The following SMAD2 variants were observed in gnomAD, a reference collection of about 807,000 sequenced individuals.
SMAD2 encodes the protein MAD homolog 2.
SMAD2 carries 8 observed loss-of-function variants against 64.4 expected under a neutral mutation model. The observed-to-expected ratio is 0.12, with a 90% CI of 0.07 to 0.22. The LOEUF (loss-of-function observed/expected upper bound fraction) is 0.22, where lower values mean the gene tolerates loss of function less well. Ranked by LOEUF, SMAD2 falls within the 10% of genes least tolerant of loss-of-function variation. The pLI, the probability that SMAD2 is intolerant of heterozygous loss-of-function variation, is 1.00. For synonymous variants in SMAD2, 203 were observed against 195.8 expected (o/e 1.04, Z -0.31); for missense variants, 289 against 561.2 (o/e 0.51, Z 4.90).
Position 47,868,353 on chromosome 18 carries a change from C to T in SMAD2, c.625G>A (p.Gly209Arg), listed in dbSNP as rs2144372953. 1 of 1,612,978 alleles carries T rather than the reference C, an allele frequency of 6.2e-7. No individual in the cohort carries two copies. Among genetic ancestry groups the T allele is most frequent in the Non-Finnish European group, 8.5e-7 (1 of 1,179,352 alleles). ...SIPENTNFPAGIEPQSNYIPE... is the reference protein window; with the variant it reads ...SIPENTNFPARIEPQSNYIPE... ...ATATAATTACTCTGTGGCTCAATTC[C>T]TGCTGGGAAGTTAGTGTTTTCTGGA... Residue 209 changes from glycine (G) to arginine (R), a missense_variant, in exon 5 of 11, where the codon GGA (glycine) becomes AGA (arginine). Gly to Arg is a moderately radical substitution (Grantham distance 125, BLOSUM62 -2). Around this residue, in one of 6 missense-constraint regions of SMAD2, gnomAD observed 119 missense variants for 156.7 expected, o/e 0.76. Transcript: ENST00000262160.
chr18:47,851,905 A>G (rs1352074885), intron 6 of SMAD2, among the ~76,000 whole-genome samples: 1 of 152,204 alleles, frequency 6.6e-6, no homozygotes, highest in Non-Finnish European at 1.5e-5. Context: ...ATTCTTCAAG[A>G]AACTGCCAGG....
rs1388069104 is a variant in SMAD2 at position 47,818,816 on chromosome 18, A to G, written c.*23011T>C. 6.6e-6 allele frequency: 1 copy of G among 152,244 alleles called. No individual in the cohort carries two copies. The highest frequency in any genetic ancestry group is 1.9e-4 in the East Asian group (1 of 5,208). 9.4% of individuals were successfully genotyped at this position (152,244 alleles called of 1,614,324 possible). ...CTATTTACCAAAACTTTTGGTTCACAGCTTTCATAAGATTACCTATTCTGC... is the reference window on the plus strand; with the variant it reads ...CTATTTACCAAAACTTTTGGTTCACGGCTTTCATAAGATTACCTATTCTGC... On this transcript the variant is annotated 3_prime_UTR_variant, in exon 11 of 11. Coordinates refer to ENST00000262160, the MANE Select transcript of SMAD2 (RefSeq NM_005901.6).
chr18:47,930,377 G>C lies in SMAD2; in HGVS notation c.-70C>G, dbSNP rs1006616671. Reference sequence around the variant, plus strand: ...AGGCTTTACCTGCAAGGTGGCGCCAGGTCCCGCCCCGTCAGATCCGGGGGG... The same window carrying C: ...AGGCTTTACCTGCAAGGTGGCGCCACGTCCCGCCCCGTCAGATCCGGGGGG... On this transcript the variant is annotated 5_prime_UTR_variant, in exon 1 of 11. Coordinates refer to ENST00000262160, the MANE Select transcript of SMAD2 (RefSeq NM_005901.6). The C allele has an allele frequency of 6.6e-6, 1 of 152,296 alleles. No individual in the cohort carries two copies. The highest frequency in any genetic ancestry group is 3.4e-3 in the Middle Eastern group (1 of 294). 9.4% of individuals were successfully genotyped at this position (152,296 alleles called of 1,614,324 possible).
chr18:47,856,817 T>C (rs2030727634), intron 6 of SMAD2, among the ~76,000 whole-genome samples: 1 of 152,010 alleles, frequency 6.6e-6, no homozygotes, highest in Non-Finnish European at 1.5e-5. Flanking sequence ...CAATTACATA[T>C]AATGCTTAAG....
intron 1 of SMAD2, among the ~76,000 whole-genome samples, chr18:47,915,011 ATTTAC>A (rs2034280149): frequency 6.6e-6 from 1 of 152,160 alleles, no homozygotes; most frequent in African/African-American, 2.4e-5. Flanking sequence ...ATCTTGTCAA[ATTTAC>A]TTATTTCTCC....
intron 10 of SMAD2, 77 bp from the exon 11 acceptor site, chr18:47,842,027 T>C (rs1914001358): frequency 6.7e-7 from 1 of 1,482,002 alleles, no homozygotes; most frequent in Non-Finnish European, 9.4e-7. Flanking sequence ...TTAGGTACAC[T>C]GCATTAAAAA....
chr18:47,867,722 G>A (rs2031666623), intron 5 of SMAD2, among the ~76,000 whole-genome samples: 2 of 151,102 alleles, frequency 1.3e-5, no homozygotes, highest in Non-Finnish European at 1.5e-5. Context: ...AGTATTACTG[G>A]ATCACATAAT....
chr18:47,863,885 T>C (rs1408273494), intron 6 of SMAD2, among the ~76,000 whole-genome samples: 5 of 152,134 alleles, frequency 3.3e-5, no homozygotes, highest in African/African-American at 1.2e-4. Flanking sequence ...CCATTTAACA[T>C]TCCTACTAGC....
chr18:47,841,772 T>C lies in SMAD2; in HGVS notation c.*55A>G, dbSNP rs1913976183. The C allele has an allele frequency of 6.2e-7, 1 of 1,608,760 alleles. No homozygotes were observed. The highest frequency in any genetic ancestry group is 8.5e-7 in the Non-Finnish European group (1 of 1,175,580). On this transcript the variant is annotated 3_prime_UTR_variant, in exon 11 of 11. Transcript: ENST00000262160. Reference sequence around the variant, plus strand: ...AGTCCATAGGGACCACACACAATGCTATGACAGAAGAGTTGTTACATTAAG... The same window carrying C: ...AGTCCATAGGGACCACACACAATGCCATGACAGAAGAGTTGTTACATTAAG...
intron 2 of SMAD2, among the ~76,000 whole-genome samples, chr18:47,887,545 C>T (rs1192477199): frequency 6.6e-6 from 1 of 152,144 alleles, no homozygotes; most frequent in East Asian, 1.9e-4. Flanking sequence ...CACTGTGACC[C>T]TTCAACCAAG....
intron 2 of SMAD2, among the ~76,000 whole-genome samples, chr18:47,885,547 A>T (rs897348687): frequency 5.9e-5 from 9 of 152,228 alleles, no homozygotes; most frequent in African/African-American, 2.2e-4. Flanking sequence ...AGTACATGTT[A>T]TTCTAATCTT....
At position 47,829,193 on chromosome 18, in the gene SMAD2, G is replaced by A. The variant is rs1398923090; in HGVS notation, c.*12634C>T. ...AGACGTTTAATTTCTTCACTACAAG[G>A]AATTTCAAACTTATCTAAAAGGAAA... On this transcript the variant is annotated 3_prime_UTR_variant, in exon 11 of 11. Coordinates refer to ENST00000262160, the MANE Select transcript of SMAD2 (RefSeq NM_005901.6). 6.6e-6 allele frequency: 1 copy of A among 151,994 alleles called. No individual in the cohort carries two copies. Among genetic ancestry groups the A allele is most frequent in the Non-Finnish European group, 1.5e-5 (1 of 68,000 alleles). The allele number at this position is 151,994 out of a possible 1,614,324, so 9.4% of individuals were successfully genotyped here.
chr18:47,886,085 T>C (rs1036547944), intron 2 of SMAD2, among the ~76,000 whole-genome samples: 3 of 152,232 alleles, frequency 2.0e-5, no homozygotes, highest in Admixed American at 1.3e-4. Context: ...ATCCCAAGGA[T>C]ACCAAGGGAT....
chr18:47,870,422 T>C (rs1331257211), intron 3 of SMAD2, 53 bp downstream of exon 3: 2 of 1,341,884 alleles, frequency 1.5e-6, no homozygotes, highest in Middle Eastern at 1.8e-4. Context: ...TCTTTCAAAA[T>C]ATACCCCCCT....
At position 47,832,660 on chromosome 18, in the gene SMAD2, T is replaced by G. The variant is rs1377654354; in HGVS notation, c.*9167A>C. ...AATTATTCATACTGATTATATGAGA[T>G]TATATCTTATCTAGTATTTTTCAAT... On this transcript the variant is annotated 3_prime_UTR_variant, in exon 11 of 11. Transcript: ENST00000262160. 3 of 152,168 alleles carry G rather than the reference T, an allele frequency of 2.0e-5. No individual in the cohort carries two copies. The highest frequency in any genetic ancestry group is 2.1e-4 in the South Asian group (1 of 4,830). 9.4% of individuals were successfully genotyped at this position (152,168 alleles called of 1,614,324 possible). A position where few individuals can be genotyped will look rare whatever the true frequency, so the allele number is the denominator to read the frequency against.
At chr18:47,927,002 T>C (rs1482233347) in intron 1 of SMAD2, among the ~76,000 whole-genome samples, 2 of 152,202 alleles carry the variant, frequency 1.3e-5, no homozygotes, top group Non-Finnish European at 2.9e-5. Flanking sequence ...TAGGGCTCTC[T>C]GATTCCAAAA....
chr18:47,831,521 T>C lies in SMAD2; in HGVS notation c.*10306A>G, dbSNP rs1249990070. On this transcript the variant is annotated 3_prime_UTR_variant, in exon 11 of 11. Coordinates refer to ENST00000262160, the MANE Select transcript of SMAD2 (RefSeq NM_005901.6). Reference sequence around the variant, plus strand: ...AAGGTGCAGAGGCAGCCAACAAAACTATTGAAGACAGACTGTAAAAACTGG... The same window carrying C: ...AAGGTGCAGAGGCAGCCAACAAAACCATTGAAGACAGACTGTAAAAACTGG... 6.6e-6 allele frequency: 1 copy of C among 152,256 alleles called. No individual in the cohort carries two copies. Among genetic ancestry groups the C allele is most frequent in the African/African-American group, 2.4e-5 (1 of 41,476 alleles). 9.4% of individuals were successfully genotyped at this position (152,256 alleles called of 1,614,324 possible).
At chr18:47,917,749 G>A (rs2034393300) in intron 1 of SMAD2, among the ~76,000 whole-genome samples, 1 of 152,022 alleles carries the variant, frequency 6.6e-6, no homozygotes, top group African/African-American at 2.4e-5. Context: ...TAAGATATGG[G>A]TTCTCCCTAT....
rs929527984 is a variant in SMAD2, at chr18:47,837,201, G to C, written c.*4626C>G. 5.0e-6 allele frequency: 1 copy of C among 199,706 alleles called. No homozygotes were observed. The highest frequency in any genetic ancestry group is 1.0e-5 in the Non-Finnish European group (1 of 96,814). The allele number at this position is 199,706 out of a possible 1,614,324, so 12.4% of individuals were successfully genotyped here. On this transcript the variant is annotated 3_prime_UTR_variant, in exon 11 of 11. Transcript: ENST00000262160. The stretch of plus-strand genomic sequence containing the variant: ...CATGATGAAGAAATTAGGACTCTAG[G>C]TATGAAAAGCATGTTCCTTTTTTGT...
Sources: allele counts gnomAD v4.1 joint callset (sites outside exome capture counted in the v4.1 genomes callset), GRCh38; gene constraint gnomAD v4.1.1; regional missense constraint gnomAD v4.1.1; transcripts MANE v1.5; gene names NCBI Gene and HGNC (gene_info 2026-07-23, HGNC 2026-07-21).